The following WASF1 variants were observed in gnomAD, a reference collection of about 807,000 sequenced individuals.
WASF1 encodes actin-binding protein WASF1.
A neutral mutation model predicts 50.5 loss-of-function variants in WASF1; 7 were observed. The observed-to-expected ratio is 0.14, with a 90% CI of 0.08 to 0.26. The LOEUF is 0.26. Among genes scored for constraint, WASF1 ranks in the 10% least tolerant of loss-of-function variants. The probability of loss-of-function intolerance (pLI) is 1.00; values close to 1 mark genes in which losing one functional copy is unlikely to be tolerated. For missense variants in WASF1, 470 were observed against 694.7 expected (o/e 0.68, Z 3.64); for synonymous variants, 205 against 244.0 (o/e 0.84, Z 1.49).
intron 4 of WASF1, among the ~76,000 whole-genome samples, chr6:110,123,345 A>T (rs1774225232): frequency 6.6e-6 from 1 of 152,140 alleles, no homozygotes; most frequent in Non-Finnish European, 1.5e-5. Flanking sequence ...GAAAAAAAAA[A>T]ATCATAAATC....
At chr6:110,124,190 C>CA (rs1774262438) in intron 4 of WASF1, among the ~76,000 whole-genome samples, 104 of 108,808 alleles carry the variant, frequency 9.6e-4, no homozygotes, top group African/African-American at 3.6e-3. Context: ...GCCCCATCAG[C>CA]GTCTCTCTCT....
chr6:110,124,960 T>A (rs6924544), intron 4 of WASF1, among the ~76,000 whole-genome samples: 2 of 152,134 alleles, frequency 1.3e-5, no homozygotes, highest in Admixed American at 1.3e-4. Context: ...GTCAGGAAGA[T>A]ATCCAGCCCT....
chr6:110,154,179 A>G (rs1376819170), intron 3 of WASF1, among the ~76,000 whole-genome samples: 1 of 152,088 alleles, frequency 6.6e-6, no homozygotes. Context: ...CTTTTCTCTA[A>G]GTTTACTTTT....
chr6:110,116,390 C>A (rs1360603577), intron 4 of WASF1, among the ~76,000 whole-genome samples: 2 of 152,242 alleles, frequency 1.3e-5, no homozygotes, highest in Non-Finnish European at 2.9e-5. Context: ...CCTCCCATGC[C>A]TGGCTCGGCG....
At chr6:110,133,835 T>C (rs1774815932) in intron 3 of WASF1, among the ~76,000 whole-genome samples, 1 of 152,144 alleles carries the variant, frequency 6.6e-6, no homozygotes, top group African/African-American at 2.4e-5. Context: ...TCTGTTTACT[T>C]TGCTGCTGTG....
intron 3 of WASF1, among the ~76,000 whole-genome samples, chr6:110,141,745 C>T (rs1442376799): frequency 2.6e-5 from 4 of 151,010 alleles, no homozygotes; most frequent in East Asian, 1.9e-4. Context: ...TAGGTTGCTG[C>T]GGGAAGACAG....
At chr6:110,149,139 T>C (rs1775710127) in intron 3 of WASF1, among the ~76,000 whole-genome samples, 1 of 152,100 alleles carries the variant, frequency 6.6e-6, no homozygotes. Context: ...AGTGGGAGAA[T>C]GATGAGTTTT....
At position 110,101,685 on chromosome 6, in the gene WASF1, T is replaced by C. The variant is rs959910919; in HGVS notation, c.1425A>G (p.Pro475=). The change falls in exon 10 of 11, where the codon CCA becomes CCG. Residue 475 remains proline (P), a synonymous_variant. Transcript: ENST00000392589. ...PHVPLMPPSP[P]SQVIPASEPK... The stretch of plus-strand genomic sequence containing the variant: ...GCTCAGAAGCAGGTATAACTTGTGA[T>C]GGAGGAGATGGAGGCATTAATGGAA... 1.9e-6 allele frequency: 3 copies of C among 1,614,070 alleles called. No individual in the cohort carries two copies. The highest frequency in any genetic ancestry group is 1.1e-5 in the South Asian group (1 of 91,076).
intron 3 of WASF1, among the ~76,000 whole-genome samples, chr6:110,139,153 C>T (rs372576965): frequency 4.6e-5 from 7 of 152,240 alleles, no homozygotes; most frequent in Non-Finnish European, 7.3e-5. Context: ...TGACACCACC[C>T]GGGCTTAGCC....
chr6:110,124,219 TCTCTCTC>T (rs1774275292), intron 4 of WASF1, among the ~76,000 whole-genome samples: 2 of 63,828 alleles, frequency 3.1e-5, no homozygotes, highest in South Asian at 7.7e-4. Context: ...CTCTCTCTCC[TCTCTCTC>T]CTCTCTCTCC....
At chr6:110,126,942 G>A (rs1774442814) in intron 4 of WASF1, among the ~76,000 whole-genome samples, 1 of 152,034 alleles carries the variant, frequency 6.6e-6, no homozygotes, top group African/African-American at 2.4e-5. Flanking sequence ...ACACAATGCT[G>A]CATATCAGAT....
At chr6:110,160,415 T>C (rs928405070) in intron 3 of WASF1, among the ~76,000 whole-genome samples, 2 of 151,918 alleles carry the variant, frequency 1.3e-5, no homozygotes, top group African/African-American at 4.8e-5. Context: ...GAGAGTGTGC[T>C]ACCTTTAACA....
rs776864786 is a variant in WASF1, at chr6:110,103,545, G to A, written c.726C>T (p.Tyr242=). 7.4e-6 allele frequency: 12 copies of A among 1,611,572 alleles called. No homozygotes were observed. In the East Asian group the frequency reaches 1.8e-4, roughly 24 times the overall value. The change falls in exon 9 of 11, where the codon TAC becomes TAT. Residue 242 remains tyrosine (Y), a synonymous_variant. Coordinates refer to ENST00000392589, the MANE Select transcript of WASF1 (RefSeq NM_003931.3). ...AGTAAGATCCATCCATATGATCCAC[G>A]TATGTCTGAGGTCTAAAAGAAATAT... is the stretch of plus-strand genomic sequence containing the variant. The part of the protein sequence containing the change: ...ASHFETRPQT[Y]VDHMDGSYSL...
intron 3 of WASF1, among the ~76,000 whole-genome samples, chr6:110,136,229 T>G (rs988908584): frequency 6.6e-6 from 1 of 152,172 alleles, no homozygotes; most frequent in African/African-American, 2.4e-5. Flanking sequence ...AAGTTTTTTG[T>G]TTTTGTATTA....
chr6:110,174,588 C>T (rs766288565), intron 2 of WASF1, among the ~76,000 whole-genome samples: 1 of 152,142 alleles, frequency 6.6e-6, no homozygotes, highest in Non-Finnish European at 1.5e-5. Flanking sequence ...CTAGGCAGAA[C>T]AAACAACTTG....
intron 3 of WASF1, among the ~76,000 whole-genome samples, chr6:110,144,175 T>A (rs1387357922): frequency 6.6e-6 from 1 of 152,264 alleles, no homozygotes; most frequent in Admixed American, 6.5e-5. Context: ...TGAGATGGTA[T>A]CTCACTGTGG....
At chr6:110,124,793 C>T (rs1469046773) in intron 4 of WASF1, among the ~76,000 whole-genome samples, 3 of 152,084 alleles carry the variant, frequency 2.0e-5, no homozygotes, top group Admixed American at 2.0e-4. Context: ...GCCTGTAATC[C>T]CAGCGGCTTT....
chr6:110,101,147 T>G (rs1773065326), intron 10 of WASF1, among the ~76,000 whole-genome samples: 1 of 152,196 alleles, frequency 6.6e-6, no homozygotes, highest in South Asian at 2.1e-4. Flanking sequence ...ATATGAGAAG[T>G]CTTTCCTTTG....
intron 10 of WASF1, 49 bp downstream of exon 10, chr6:110,101,539 G>C (rs573385940): frequency 6.5e-7 from 1 of 1,531,748 alleles, no homozygotes; most frequent in African/African-American, 1.4e-5. Context: ...TATTTAGAAA[G>C]TTTCCAATGC....
Sources: allele counts gnomAD v4.1 joint callset (sites outside exome capture counted in the v4.1 genomes callset), GRCh38; gene constraint gnomAD v4.1.1; transcripts MANE v1.5; gene names NCBI Gene and HGNC (gene_info 2026-07-23, HGNC 2026-07-21).